AP5Z1: variants seen among roughly 807,000 people sequenced by gnomAD.
The protein encoded by AP5Z1 is AP-5 complex subunit zeta-1.
A neutral mutation model predicts 83.0 loss-of-function variants in AP5Z1; 106 were observed. The observed-to-expected ratio is 1.28, with a 90% confidence interval of 1.09 to 1.50. AP5Z1 has a LOEUF of 1.50. AP5Z1 is among the 40% of genes most tolerant of loss of function. AP5Z1 has a pLI of 0.00. For missense variants in AP5Z1, 1,565 were observed against 1,094.2 expected, an observed-to-expected ratio of 1.43 and a Z score of -6.07; for synonymous variants, 751 against 514.1, an observed-to-expected ratio of 1.46 and a Z score of -6.23.
intron 3 of AP5Z1, 139 bp downstream of exon 3, chr7:4,781,893 T>A: frequency 9.4e-7 from 1 of 1,062,088 alleles, no homozygotes. Context: ...CTGGCACACT[T>A]GAGGCTGGGG....
At chr7:4,780,792 T>C (rs76043497) in intron 1 of AP5Z1, among the ~76,000 whole-genome samples, 10,698 of 152,178 alleles carry the variant, frequency 0.07, 508 homozygotes, top group African/African-American at 0.14. Context: ...TATTCTTGTT[T>C]CCATAAGCAA....
rs767507147 is a variant in AP5Z1, at chr7:4,784,237, C to T, written c.656C>T (p.Ala219Val). ...GPVTEVDGAV[A>V]TDFFTVLSSG... ...GTCACCGAGGTGGACGGGGCGGTAG[C>T]CACAGACTTCTTCACGGTGCTCTCC... The change falls in exon 6 of 17, where the codon GCC (alanine) becomes GTC (valine). Residue 219 changes from alanine (A) to valine (V), a missense_variant. Physicochemically the swap from Ala to Val is moderately conservative, Grantham distance 64 (BLOSUM62 0). Coordinates refer to ENST00000649063, the MANE Select transcript of AP5Z1 (RefSeq NM_014855.3). 1.9e-6 allele frequency: 3 copies of T among 1,592,294 alleles called. No individual in the cohort carries two copies. The highest frequency in any genetic ancestry group is 1.8e-5 in the Admixed American group (1 of 56,826).
At position 4,791,869 on chromosome 7, in the gene AP5Z1, G is replaced by C. The variant is rs548357776; in HGVS notation, c.*484G>C. On this transcript the variant is annotated 3_prime_UTR_variant, in exon 17 of 17. Coordinates refer to ENST00000649063, the MANE Select transcript of AP5Z1 (RefSeq NM_014855.3). ...GCCAGTCCTGGAGGCTCAGCCCGGCGTGCCACTGCTGCTACAGAAACCAGG... is the reference window on the plus strand; with the variant it reads ...GCCAGTCCTGGAGGCTCAGCCCGGCCTGCCACTGCTGCTACAGAAACCAGG... The C allele has an allele frequency of 6.3e-6, 1 of 159,660 alleles. No individual in the cohort carries two copies. Among genetic ancestry groups the C allele is most frequent in the Non-Finnish European group, 1.4e-5 (1 of 73,030 alleles). 9.9% of individuals were successfully genotyped at this position (159,660 alleles called of 1,614,324 possible).
chr7:4,785,601 TGA>T lies in AP5Z1; in HGVS notation c.1050_1051del (p.Lys351GlyfsTer58). The T allele has an allele frequency of 6.3e-7, 1 of 1,596,654 alleles. No individual in the cohort carries two copies. The highest frequency in any genetic ancestry group is 8.5e-7 in the Non-Finnish European group (1 of 1,173,610). ...TTCCTGTACCGAAGTCTCTCCTGCC[TGA>T]AGGCCCTGCACGGGCGGGTGCGCGG... On this transcript the variant is annotated frameshift_variant, in exon 9 of 17. Coordinates refer to ENST00000649063, the MANE Select transcript of AP5Z1 (RefSeq NM_014855.3). LOFTEE classifies it high-confidence loss of function.
In AP5Z1 at chr7:4,793,072, T is replaced by C. The variant is rs76039626; in HGVS notation, c.*1687T>C. On this transcript the variant is annotated 3_prime_UTR_variant, in exon 17 of 17. Transcript: ENST00000649063. ...GCCAGCTGGTGCTAAGTCCGCAGCC[T>C]GTGCAGCAGCGCCCGGCTTAGGACT... 0.093 allele frequency: 14,186 copies of C among 152,356 alleles called. 1,542 individuals are homozygous for C. Among genetic ancestry groups the C allele is most frequent in the African/African-American group, 0.27 (11,136 of 41,480 alleles). The allele number at this position is 152,356 out of a possible 1,614,324, so 9.4% of individuals were successfully genotyped here. A position where few individuals can be genotyped will look rare whatever the true frequency, so the allele number is the denominator to read the frequency against.
At position 4,794,049 on chromosome 7, in the gene AP5Z1, C is replaced by G. The variant is rs1036461920; in HGVS notation, c.*2664C>G. On this transcript the variant is annotated 3_prime_UTR_variant, in exon 17 of 17. Transcript: ENST00000649063. ...GTATCTAGCTCAAGGTTTGTAAACACACCAATCAGCACCTTGTGTCTAGCT... is the reference window on the plus strand; with the variant it reads ...GTATCTAGCTCAAGGTTTGTAAACAGACCAATCAGCACCTTGTGTCTAGCT... 9 of 152,606 alleles carry G rather than the reference C, an allele frequency of 5.9e-5. No individual in the cohort carries two copies. Among genetic ancestry groups the G allele is most frequent in the Admixed American group, 1.3e-4 (2 of 15,294 alleles). 9.5% of individuals were successfully genotyped at this position (152,606 alleles called of 1,614,324 possible).
rs186993311 is a variant in AP5Z1, at chr7:4,783,377, G to A, written c.428G>A (p.Arg143Gln). The change falls in exon 4 of 17, where the codon CGG becomes CAG. Residue 143 changes from arginine to glutamine, a missense_variant. By Grantham distance (43) the Arg-to-Gln change is conservative. Coordinates refer to ENST00000649063, the MANE Select transcript of AP5Z1 (RefSeq NM_014855.3). ...GQGVLRALESRQPEGPSLRHL... is the reference protein window; with the variant it reads ...GQGVLRALESQQPEGPSLRHL... ...GGCGTGCTACGAGCGCTGGAGAGCCGGCAGCCTGAGGGACCCAGCCTCAGA... is the reference window on the plus strand; with the variant it reads ...GGCGTGCTACGAGCGCTGGAGAGCCAGCAGCCTGAGGGACCCAGCCTCAGA... 7.2e-4 allele frequency: 1,167 copies of A among 1,613,050 alleles called. 3 individuals carry two copies. The African/African-American group carries it at 0.012, about 17-fold the overall frequency.
intron 12 of AP5Z1, 116 bp downstream of exon 12, chr7:4,788,410 C>T (rs1216215515): frequency 7.8e-7 from 1 of 1,283,938 alleles, no homozygotes; most frequent in Admixed American, 2.9e-5. Flanking sequence ...GTGTCCCACA[C>T]AAGGCTGCGT....
chr7:4,787,095 T>C (rs1305664586), intron 10 of AP5Z1, among the ~76,000 whole-genome samples: 1 of 152,086 alleles, frequency 6.6e-6, no homozygotes, highest in Non-Finnish European at 1.5e-5. Flanking sequence ...TTTTGAAGTG[T>C]CTTTTGCAGC....
intron 9 of AP5Z1, 34 bp from the exon 10 acceptor site, chr7:4,786,216 A>AAGACGT: frequency 6.4e-7 from 1 of 1,563,808 alleles, no homozygotes; most frequent in Non-Finnish European, 8.7e-7. Flanking sequence ...GGGCGAGGTC[A>AAGACGT]AGACGTGTGC....
At position 4,787,833 on chromosome 7, in the gene AP5Z1, T is replaced by C. The variant is rs141506233; in HGVS notation, c.1454+57T>C. 829 of 1,485,564 alleles carry C rather than the reference T, an allele frequency of 5.6e-4. 3 individuals are homozygous for C. The African/African-American group carries it at 0.01, about 18-fold the overall frequency. 92.0% of individuals were successfully genotyped at this position (1,485,564 alleles called of 1,614,324 possible). A position where few individuals can be genotyped will look rare whatever the true frequency, so the allele number is the denominator to read the frequency against. On this transcript the variant is annotated intron_variant, in intron 11 of 16. Coordinates refer to ENST00000649063, the MANE Select transcript of AP5Z1 (RefSeq NM_014855.3). ...CTCCCAGCCAGCTGGTTCCACACAC[T>C]GGGCCCCCTCCTCGCTGCTCCTGAC...
chr7:4,788,331 C>G lies in AP5Z1; in HGVS notation c.1595+37C>G, dbSNP rs753037449. 7.8e-6 allele frequency: 12 copies of G among 1,535,268 alleles called. No individual in the cohort carries two copies. The South Asian group carries it at 1.1e-4, about 14-fold the overall frequency. On this transcript the variant is annotated intron_variant, in intron 12 of 16. Coordinates refer to ENST00000649063, the MANE Select transcript of AP5Z1 (RefSeq NM_014855.3). Reference sequence around the variant, plus strand: ...TAGGGCCAGGGGGCCACCAGTGGCTCAGAGAGCCCGGCCACAGCCACTGGG... The same window carrying G: ...TAGGGCCAGGGGGCCACCAGTGGCTGAGAGAGCCCGGCCACAGCCACTGGG...
chr7:4,787,675 G>A lies in AP5Z1; in HGVS notation c.1353G>A (p.Val451=), dbSNP rs1328460796. ...GCCCACCCCTCACCTCCGAGTTTGTGGCGCTCCTCCCGGCCCTGGTGGACG... is the reference window on the plus strand; with the variant it reads ...GCCCACCCCTCACCTCCGAGTTTGTAGCGCTCCTCCCGGCCCTGGTGGACG... ...WNSPPLTSEF[V]ALLPALVDAG... is the part of the protein sequence containing the mutation. The change falls in exon 11 of 17, where the codon GTG becomes GTA. Residue 451 remains valine (V), a synonymous_variant. Transcript: ENST00000649063. 1 of 1,552,982 alleles carries A rather than the reference G, an allele frequency of 6.4e-7. No individual in the cohort carries two copies. Among genetic ancestry groups the A allele is most frequent in the East Asian group, 2.4e-5 (1 of 41,158 alleles).
intron 11 of AP5Z1, 29 bp downstream of exon 11, chr7:4,787,805 C>T (rs750259098): frequency 1.7e-5 from 26 of 1,507,750 alleles, no homozygotes; most frequent in Admixed American, 6.0e-5. Flanking sequence ...GCCAGCGCTG[C>T]GTCTCCCAGC....
intron 13 of AP5Z1, 189 bp downstream of exon 13, chr7:4,789,140 C>T (rs1781659698): frequency 5.4e-6 from 3 of 556,156 alleles, no homozygotes; most frequent in South Asian, 4.5e-5. Flanking sequence ...TTGTCCCATC[C>T]CCTTTATTCC....
At chr7:4,782,701 A>G (rs1197465819) in intron 3 of AP5Z1, among the ~76,000 whole-genome samples, 1 of 151,738 alleles carries the variant, frequency 6.6e-6, no homozygotes, top group Non-Finnish European at 1.5e-5. Context: ...GACCCCGGTA[A>G]TGCTGTGGTA....
chr7:4,779,299 ATATATAACG>A (rs1017601850), intron 1 of AP5Z1, among the ~76,000 whole-genome samples: 14 of 143,256 alleles, frequency 9.8e-5, no homozygotes, highest in African/African-American at 3.8e-4. Context: ...ATATAACAAC[ATATATAACG>A]TATATAACAT....
chr7:4,782,826 G>C (rs958962107), intron 3 of AP5Z1, among the ~76,000 whole-genome samples: 1 of 152,178 alleles, frequency 6.6e-6, no homozygotes, highest in African/African-American at 2.4e-5. Flanking sequence ...CTGCTGCCAG[G>C]CGCCAGCGGT....
intron 14 of AP5Z1, 63 bp downstream of exon 14, chr7:4,789,992 T>TCCCCCCCCCC: frequency 1.5e-5 from 8 of 516,476 alleles, no homozygotes; most frequent in South Asian, 8.1e-5. Flanking sequence ...CCTCCCCCTC[T>TCCCCCCCCCC]CCCCTCCCCC....
Sources: allele counts gnomAD v4.1 joint callset (sites outside exome capture counted in the v4.1 genomes callset), GRCh38; gene constraint gnomAD v4.1.1; transcripts MANE v1.5; gene names NCBI Gene and HGNC (gene_info 2026-07-23, HGNC 2026-07-21).